Variants in ZNF423 observed in about 807,000 individuals in gnomAD.
ZNF423 encodes the protein Ebf-associated zinc finger protein.
Under a neutral mutation model 95.8 loss-of-function variants are expected in ZNF423, and 12 were observed. The ratio of observed to expected loss-of-function variants is 0.13; its 90% CI spans 0.08 to 0.20. ZNF423 has a LOEUF of 0.20. Among genes scored for constraint, ZNF423 ranks in the 10% least tolerant of loss-of-function variants. The pLI is 1.00. For synonymous variants in ZNF423, 749 were observed against 711.9 expected (o/e 1.05, Z -0.83); for missense variants, 1,316 against 1,737.1 (o/e 0.76, Z 4.31).
chr16:49,679,464 C>T (rs1425717379), intron 3 of ZNF423, among the ~76,000 whole-genome samples: 1 of 152,252 alleles, frequency 6.6e-6, no homozygotes, highest in Non-Finnish European at 1.5e-5. Flanking sequence ...CTCCCAGCAC[C>T]CTCTCTGATT....
At chr16:49,735,753 G>A (rs1361162689) in intron 2 of ZNF423, among the ~76,000 whole-genome samples, 1 of 152,150 alleles carries the variant, frequency 6.6e-6, no homozygotes, top group Non-Finnish European at 1.5e-5. Context: ...ACAGCTCCCA[G>A]CTTCCAGCAC....
intron 7 of ZNF423, among the ~76,000 whole-genome samples, chr16:49,502,043 G>A (rs1245538720): frequency 2.0e-5 from 3 of 152,164 alleles, no homozygotes; most frequent in Admixed American, 2.0e-4. Flanking sequence ...AAAGTTGGGG[G>A]AAAACGGAAG....
chr16:49,615,317 A>T (rs1316433977), intron 5 of ZNF423, among the ~76,000 whole-genome samples: 2 of 152,188 alleles, frequency 1.3e-5, no homozygotes, highest in Non-Finnish European at 2.9e-5. Context: ...GTCCCATGCA[A>T]ATGAATGGAG....
At chr16:49,597,904 G>A (rs1254662763) in intron 5 of ZNF423, among the ~76,000 whole-genome samples, 1 of 152,112 alleles carries the variant, frequency 6.6e-6, no homozygotes, top group African/African-American at 2.4e-5. Context: ...AGTCAAAAAG[G>A]GCTGGAATAT....
chr16:49,742,056 T>C (rs765518925), intron 2 of ZNF423, among the ~76,000 whole-genome samples: 1 of 152,208 alleles, frequency 6.6e-6, no homozygotes, highest in Middle Eastern at 3.2e-3. Context: ...GAGCACCTAC[T>C]ATGTGCCAGC....
At chr16:49,813,536 A>T (rs1250297863) in intron 1 of ZNF423, among the ~76,000 whole-genome samples, 1 of 152,108 alleles carries the variant, frequency 6.6e-6, no homozygotes, top group Non-Finnish European at 1.5e-5. Flanking sequence ...CCAGGGATTG[A>T]TCCTCAAGCA....
At chr16:49,536,424 T>C (rs1402711157) in intron 5 of ZNF423, among the ~76,000 whole-genome samples, 2 of 150,254 alleles carry the variant, frequency 1.3e-5, no homozygotes. Context: ...CTCTTTAGTT[T>C]CTGGGTGGTT....
chr16:49,603,859 T>A lies in ZNF423; in HGVS notation c.3601+22311A>T, dbSNP rs1229008061. ...ACCAAAAGTAAGAAAATAGCCTCCC[T>A]CCTTCCTCATCCTCCAAGCAGTCCC... On this transcript the variant is annotated intron_variant, in intron 5 of 7. Coordinates refer to ENST00000563137, the MANE Select transcript of ZNF423 (RefSeq NM_001379286.1). This position sits in a 1 kb window ranked among gnomAD's most constrained non-coding sequence, Gnocchi z 4.1. Among the ~76,000 whole-genome samples, 1 of 152,160 alleles carries A rather than the reference T, an allele frequency of 6.6e-6. No homozygotes were observed. Among genetic ancestry groups the A allele is most frequent in the Non-Finnish European group, 1.5e-5 (1 of 68,030 alleles).
intron 1 of ZNF423, chr16:49,854,956 G>T: frequency 4.1e-6 from 4 of 985,116 alleles, no homozygotes; most frequent in Non-Finnish European, 4.8e-6. Context: ...GGTGCCCGGG[G>T]TCAGATCCGG....
chr16:49,852,086 A>C (rs1432792271), intron 1 of ZNF423, among the ~76,000 whole-genome samples: 17 of 152,150 alleles, frequency 1.1e-4, no homozygotes, highest in Admixed American at 1.1e-3. Flanking sequence ...TATTTATTAC[A>C]TCTCAATTAT....
At chr16:49,745,812 G>A (rs1045036638) in intron 2 of ZNF423, among the ~76,000 whole-genome samples, 1 of 152,098 alleles carries the variant, frequency 6.6e-6, no homozygotes, top group Admixed American at 6.6e-5. Flanking sequence ...GAAGAGCCCA[G>A]AATATTATCA....
chr16:49,585,399 A>AC lies in ZNF423; in HGVS notation c.3601+40770dup, dbSNP rs972694128. ...CCCACAGCTACCAATGGAGGGTCAG[A>AC]CCCCCCACCCCCACACCCATAGCCG... On this transcript the variant is annotated intron_variant, in intron 5 of 7. Coordinates refer to ENST00000563137, the MANE Select transcript of ZNF423 (RefSeq NM_001379286.1). Among the ~76,000 whole-genome samples, 7 of 151,686 alleles carry AC rather than the reference A, an allele frequency of 4.6e-5. No homozygotes were observed. In the South Asian group the frequency reaches 6.3e-4, roughly 14 times the overall value.
chr16:49,672,755 T>C (rs1430955484), intron 3 of ZNF423, among the ~76,000 whole-genome samples: 2 of 151,736 alleles, frequency 1.3e-5, no homozygotes, highest in African/African-American at 4.8e-5. Context: ...GCAACGGAGG[T>C]TGCACTGAGC....
chr16:49,793,574 C>G (rs1461823335), intron 1 of ZNF423, among the ~76,000 whole-genome samples: 1 of 152,240 alleles, frequency 6.6e-6, no homozygotes, highest in Non-Finnish European at 1.5e-5. Flanking sequence ...AAGGGGAACA[C>G]AGTACTCCTG....
intron 1 of ZNF423, among the ~76,000 whole-genome samples, chr16:49,815,022 G>A (rs886864803): frequency 6.6e-6 from 1 of 152,176 alleles, no homozygotes; most frequent in African/African-American, 2.4e-5. Flanking sequence ...ACGTCGGGGA[G>A]GGCAGCCTGC....
At chr16:49,658,072 T>C (rs2029984707) in intron 3 of ZNF423, among the ~76,000 whole-genome samples, 1 of 152,256 alleles carries the variant, frequency 6.6e-6, no homozygotes, top group Non-Finnish European at 1.5e-5. Flanking sequence ...GTATGATGTT[T>C]TTGTAATGCC....
intron 5 of ZNF423, among the ~76,000 whole-genome samples, chr16:49,602,750 G>A (rs529405146): frequency 2.6e-5 from 4 of 152,210 alleles, no homozygotes; most frequent in African/African-American, 9.6e-5. Context: ...TCTTGTTTCC[G>A]GCAGGGGTGA....
intron 3 of ZNF423, among the ~76,000 whole-genome samples, chr16:49,669,847 C>G (rs1302676800): frequency 6.6e-6 from 1 of 152,242 alleles, no homozygotes; most frequent in African/African-American, 2.4e-5. Flanking sequence ...CTACTCCAAG[C>G]CTCAGTTTCC....
At position 49,718,707 on chromosome 16, in the gene ZNF423, A is replaced by G. The variant is rs576477452; in HGVS notation, c.301+12064T>C. 1.1e-3 allele frequency among the ~76,000 whole-genome samples: 171 copies of G among 152,238 alleles called. 1 individual carries two copies. Among genetic ancestry groups the G allele is most frequent in the African/African-American group, 3.9e-3 (164 of 41,524 alleles). On this transcript the variant is annotated intron_variant, in intron 3 of 7. Coordinates refer to ENST00000563137, the MANE Select transcript of ZNF423 (RefSeq NM_001379286.1). ...GAGATTCTGTGTCTGGTGAGGGCGC[A>G]TTTCTCATAGACAACACAGTCTTGC...
Sources: allele counts gnomAD v4.1 joint callset (sites outside exome capture counted in the v4.1 genomes callset), GRCh38; gene constraint gnomAD v4.1.1; non-coding constraint Gnocchi (gnomAD v3.1); transcripts MANE v1.5; gene names NCBI Gene and HGNC (gene_info 2026-07-23, HGNC 2026-07-21).